Variants in CNTN4 observed in about 807,000 individuals in gnomAD.
The protein encoded by CNTN4 is contactin-4.
A neutral mutation model predicts 122.5 loss-of-function variants in CNTN4; 77 were observed. That is an observed-to-expected ratio of 0.63 (90% CI 0.52 to 0.76). CNTN4 has a LOEUF of 0.76. Among genes scored for constraint, CNTN4 ranks in the 30% least tolerant of loss-of-function variants. The pLI is 0.00. For missense variants in CNTN4, 1,256 were observed against 1,259.1 expected (o/e 1.00, Z 0.04); for synonymous variants, 512 against 447.0 (o/e 1.15, Z -1.83).
At chr3:2,885,126 C>G (rs147785115) in intron 9 of CNTN4, among the ~76,000 whole-genome samples, 1 of 152,138 alleles carries the variant, frequency 6.6e-6, no homozygotes, top group Non-Finnish European at 1.5e-5. Context: ...TCTCAGGTTT[C>G]CCAGAGAAGA....
chr3:2,339,768 T>G (rs982651885), intron 3 of CNTN4, among the ~76,000 whole-genome samples: 1 of 152,236 alleles, frequency 6.6e-6, no homozygotes, highest in Admixed American at 6.5e-5. Context: ...TGTTTTACTT[T>G]CCTGATGCTG....
At chr3:3,017,366 G>A (rs544360863) in intron 14 of CNTN4, among the ~76,000 whole-genome samples, 1 of 152,314 alleles carries the variant, frequency 6.6e-6, no homozygotes, top group Non-Finnish European at 1.5e-5. Flanking sequence ...ATTTTCCAAA[G>A]AGCAAAATTA....
intron 3 of CNTN4, among the ~76,000 whole-genome samples, chr3:2,392,373 A>G (rs900925807): frequency 5.3e-5 from 8 of 152,132 alleles, no homozygotes; most frequent in African/African-American, 1.7e-4. Context: ...CCACCTTCAT[A>G]TCCATCAAAT....
At chr3:2,437,247 A>T (rs1165318687) in intron 3 of CNTN4, among the ~76,000 whole-genome samples, 1 of 152,184 alleles carries the variant, frequency 6.6e-6, no homozygotes, top group Admixed American at 6.5e-5. Flanking sequence ...TGTTTAGTTG[A>T]CACTTTCATA....
chr3:2,819,055 G>T (rs77309919), intron 6 of CNTN4, among the ~76,000 whole-genome samples: 1 of 151,940 alleles, frequency 6.6e-6, no homozygotes, highest in South Asian at 2.1e-4. Flanking sequence ...GAGGTCTTGG[G>T]CAGGTCACTT....
intron 2 of CNTN4, among the ~76,000 whole-genome samples, chr3:2,248,303 G>T (rs1257688534): frequency 6.6e-6 from 1 of 151,832 alleles, no homozygotes. Flanking sequence ...AAATTGCTTT[G>T]GTTTGTGTCT....
intron 2 of CNTN4, among the ~76,000 whole-genome samples, chr3:2,228,522 C>T (rs2039370504): frequency 6.6e-6 from 1 of 151,950 alleles, no homozygotes; most frequent in Non-Finnish European, 1.5e-5. Flanking sequence ...ATCTCTCTAC[C>T]TTAGCAAATA....
At chr3:2,685,875 A>G (rs1460391222) in intron 4 of CNTN4, among the ~76,000 whole-genome samples, 1 of 152,126 alleles carries the variant, frequency 6.6e-6, no homozygotes, top group Non-Finnish European at 1.5e-5. Context: ...TCCAATTTCC[A>G]GTTTCAGTTA....
chr3:3,005,855 C>T (rs1696562260), intron 14 of CNTN4, among the ~76,000 whole-genome samples: 1 of 151,132 alleles, frequency 6.6e-6, no homozygotes, highest in South Asian at 2.1e-4. Context: ...AAACATTAGT[C>T]AATTGCACTC....
chr3:2,383,311 A>G (rs2046100277), intron 3 of CNTN4, among the ~76,000 whole-genome samples: 1 of 152,198 alleles, frequency 6.6e-6, no homozygotes, highest in Non-Finnish European at 1.5e-5. Flanking sequence ...TTAAATATCT[A>G]CAGTAATGAG....
intron 4 of CNTN4, among the ~76,000 whole-genome samples, chr3:2,631,085 A>G (rs2082410606): frequency 6.6e-6 from 1 of 152,192 alleles, no homozygotes; most frequent in South Asian, 2.1e-4. Context: ...AAGTCTTAAC[A>G]ATGTTTTCTA....
At chr3:2,381,609 T>C (rs930958240) in intron 3 of CNTN4, among the ~76,000 whole-genome samples, 5 of 152,220 alleles carry the variant, frequency 3.3e-5, no homozygotes, top group African/African-American at 1.2e-4. Flanking sequence ...TGGTAGTTTT[T>C]CCCTTCTAAG....
chr3:2,497,148 G>A (rs931867872), intron 3 of CNTN4, among the ~76,000 whole-genome samples: 1 of 152,144 alleles, frequency 6.6e-6, no homozygotes, highest in Non-Finnish European at 1.5e-5. Context: ...CACTTCAGTT[G>A]ACATATTAAT....
intron 5 of CNTN4, among the ~76,000 whole-genome samples, chr3:2,740,773 T>TAAGTAATTTTCA (rs2089415408): frequency 6.6e-6 from 1 of 152,198 alleles, no homozygotes. Context: ...TGAACTGAGA[T>TAAGTAATTTTCA]AAGTAATTTT....
In CNTN4 at chr3:2,383,138, A is replaced by G. The variant is rs903534728; in HGVS notation, c.-89+43905A>G. ...AATTGAGGACCTTAATATGTCTGAC[A>G]TTAATTTTAAAAGTCCAAGGAGGCA... On this transcript the variant is annotated intron_variant, in intron 3 of 24. Transcript: ENST00000418658. Among the ~76,000 whole-genome samples the G allele has an allele frequency of 3.3e-5, 5 of 152,152 alleles. No individual in the cohort carries two copies. In the East Asian group the frequency reaches 5.8e-4, roughly 18 times the overall value.
At chr3:2,621,929 T>A (rs1051307106) in intron 4 of CNTN4, among the ~76,000 whole-genome samples, 1 of 152,186 alleles carries the variant, frequency 6.6e-6, no homozygotes, top group Non-Finnish European at 1.5e-5. Context: ...CAGACCATTA[T>A]GTGCTGTCAT....
At chr3:2,783,077 A>C (rs1226874426) in intron 6 of CNTN4, among the ~76,000 whole-genome samples, 1 of 151,656 alleles carries the variant, frequency 6.6e-6, no homozygotes, top group African/African-American at 2.4e-5. Flanking sequence ...CCAGGAGTTC[A>C]GGACCAGCCT....
At chr3:3,012,244 C>A (rs1697302480) in intron 14 of CNTN4, among the ~76,000 whole-genome samples, 2 of 152,170 alleles carry the variant, frequency 1.3e-5, no homozygotes, top group South Asian at 4.1e-4. Flanking sequence ...GGAAGAGGTT[C>A]TTTTACTTAG....
chr3:2,452,449 G>C (rs576769022), intron 3 of CNTN4, among the ~76,000 whole-genome samples: 1 of 152,232 alleles, frequency 6.6e-6, no homozygotes, highest in East Asian at 1.9e-4. Context: ...TTCTATTTGG[G>C]AAGGGACTTA....
Sources: gnomAD v4.1 joint callset for allele counts (sites outside exome capture counted in the v4.1 genomes callset) on GRCh38, gnomAD v4.1.1 for gene constraint, MANE v1.5 for transcripts, NCBI Gene and HGNC (gene_info 2026-07-23, HGNC 2026-07-21) for gene names.